The following CRKL variants were observed in gnomAD, a reference collection of about 807,000 sequenced individuals.
CRKL encodes the protein crk-like protein.
Under a neutral mutation model 23.0 loss-of-function variants are expected in CRKL, and 3 were observed. The observed-to-expected ratio is 0.13, with a 90% confidence interval of 0.06 to 0.34. CRKL has a LOEUF of 0.34. CRKL is among the 10% of genes least tolerant of loss of function. The pLI, the probability that CRKL is intolerant of heterozygous loss-of-function variation, is 1.00. For synonymous variants in CRKL, 188 were observed against 160.7 expected, an observed-to-expected ratio of 1.17 and a Z score of -1.28; for missense variants, 256 against 394.5, an observed-to-expected ratio of 0.65 and a Z score of 2.97.
intron 1 of CRKL, among the ~76,000 whole-genome samples, chr22:20,933,443 G>C (rs1302660022): frequency 6.6e-6 from 1 of 151,704 alleles, no homozygotes; most frequent in African/African-American, 2.4e-5. Flanking sequence ...GAGGTGCGTG[G>C]ATCGCCCGAG....
At chr22:20,925,186 C>CAAAAAA (rs11451684) in intron 1 of CRKL, among the ~76,000 whole-genome samples, 1 of 100,954 alleles carries the variant, frequency 9.9e-6, no homozygotes, top group Admixed American at 1.2e-4. Flanking sequence ...GACTCCGTCT[C>CAAAAAA]AAAAAAAAAA....
rs1470526137 is a variant in CRKL at position 20,953,204 on chromosome 22, A to G, written c.*3359A>G. On this transcript the variant is annotated 3_prime_UTR_variant, in exon 3 of 3. Transcript: ENST00000354336. Reference sequence around the variant, plus strand: ...AATGAATTCTTGATTGTTTTAACACAGTACCTAAGACTAATGCTTTCTGTG... The same window carrying G: ...AATGAATTCTTGATTGTTTTAACACGGTACCTAAGACTAATGCTTTCTGTG... 4.3e-6 allele frequency: 1 copy of G among 231,890 alleles called. No homozygotes were observed. Among genetic ancestry groups the G allele is most frequent in the Non-Finnish European group, 8.5e-6 (1 of 117,066 alleles). 14.4% of individuals were successfully genotyped at this position (231,890 alleles called of 1,614,324 possible).
In CRKL at chr22:20,917,845, C is replaced by T; in HGVS notation, c.-90C>T. 5 of 1,315,246 alleles carry T rather than the reference C, an allele frequency of 3.8e-6. No individual in the cohort carries two copies. Among genetic ancestry groups the T allele is most frequent in the African/African-American group, 1.5e-5 (1 of 67,628 alleles). 81.5% of individuals were successfully genotyped at this position (1,315,246 alleles called of 1,614,324 possible). ...TCGAGGTGTGCGAGAGGCCCTTCCTCGGCCCCAAAGCCGTCTGCCGGGCTA... is the reference window on the plus strand; with the variant it reads ...TCGAGGTGTGCGAGAGGCCCTTCCTTGGCCCCAAAGCCGTCTGCCGGGCTA... On this transcript the variant is annotated 5_prime_UTR_variant, in exon 1 of 3. Coordinates refer to ENST00000354336, the MANE Select transcript of CRKL (RefSeq NM_005207.4).
intron 1 of CRKL, among the ~76,000 whole-genome samples, chr22:20,924,100 A>G (rs998346880): frequency 2.0e-5 from 3 of 152,158 alleles, no homozygotes; most frequent in Non-Finnish European, 4.4e-5. Flanking sequence ...AAGTGGAAAG[A>G]TTGCTTGAGC....
At chr22:20,944,139 CTT>C (rs57177824) in intron 2 of CRKL, among the ~76,000 whole-genome samples, 8 of 105,836 alleles carry the variant, frequency 7.6e-5, no homozygotes, top group Non-Finnish European at 1.1e-4. Context: ...GTAGTATTAG[CTT>C]TTTTTTTTTT....
intron 2 of CRKL, among the ~76,000 whole-genome samples, chr22:20,935,658 C>T (rs977056659): frequency 6.6e-6 from 1 of 151,140 alleles, no homozygotes; most frequent in Non-Finnish European, 1.5e-5. Flanking sequence ...TCCCGAGTAG[C>T]GGGGCTACAG....
Position 20,952,169 on chromosome 22 carries a change from A to G in CRKL, c.*2324A>G, listed in dbSNP as rs181747193. ...GGGCACGACCCTTAGGCCTTTTTCA[A>G]CCAGATTTAGCTGAAGGGCTTGACA... On this transcript the variant is annotated 3_prime_UTR_variant, in exon 3 of 3. Coordinates refer to ENST00000354336, the MANE Select transcript of CRKL (RefSeq NM_005207.4). The G allele has an allele frequency of 1.3e-5, 3 of 227,906 alleles. No individual in the cohort carries two copies. Among genetic ancestry groups the G allele is most frequent in the African/African-American group, 6.8e-5 (3 of 43,934 alleles). 14.1% of individuals were successfully genotyped at this position (227,906 alleles called of 1,614,324 possible). A position where few individuals can be genotyped will look rare whatever the true frequency, so the allele number is the denominator to read the frequency against.
chr22:20,949,327 A>G (rs919585081), intron 2 of CRKL, among the ~76,000 whole-genome samples: 2 of 152,136 alleles, frequency 1.3e-5, no homozygotes, highest in African/African-American at 2.4e-5. Context: ...AGGTTTCACC[A>G]TGTTGCCCAG....
chr22:20,947,498 C>G (rs1029762713), intron 2 of CRKL, among the ~76,000 whole-genome samples: 3 of 151,900 alleles, frequency 2.0e-5, no homozygotes, highest in Non-Finnish European at 2.9e-5. Flanking sequence ...TGCCACCACG[C>G]CTGGTGATTT....
At chr22:20,918,894 AC>A (rs1464470236) in intron 1 of CRKL, among the ~76,000 whole-genome samples, 1 of 151,432 alleles carries the variant, frequency 6.6e-6, no homozygotes, top group Admixed American at 6.6e-5. Context: ...CCGGCCAAAA[AC>A]CGTTTTTAAG....
chr22:20,923,633 G>A (rs1401825532), intron 1 of CRKL, among the ~76,000 whole-genome samples: 1 of 146,884 alleles, frequency 6.8e-6, no homozygotes, highest in Non-Finnish European at 1.5e-5. Flanking sequence ...GGAGTGTGGT[G>A]GTGCAATCTT....
Position 20,933,810 on chromosome 22 carries a change from G to T in CRKL, c.343G>T (p.Ala115Ser), listed in dbSNP as rs1378195752. ...YPSPPMGSVS[A>S]PNLPTAEDNL... ...AAGCCCACCAATGGGATCTGTCTCA[G>T]CACCCAACCTGCCTACAGCAGAAGA... The change falls in exon 2 of 3, where the codon GCA becomes TCA. Residue 115 changes from alanine (A) to serine (S), a missense_variant. Transcript: ENST00000354336. The T allele has an allele frequency of 1.9e-6, 3 of 1,613,820 alleles. No individual in the cohort carries two copies. The highest frequency in any genetic ancestry group is 1.3e-5 in the African/African-American group (1 of 74,902).
At chr22:20,920,733 TACCTTTGC>T (rs376303624) in intron 1 of CRKL, among the ~76,000 whole-genome samples, 2,514 of 152,270 alleles carry the variant, frequency 0.017, 29 homozygotes, top group Non-Finnish European at 0.028. Flanking sequence ...CATACCTTTG[TACCTTTGC>T]ACCTTTGCTC....
intron 1 of CRKL, among the ~76,000 whole-genome samples, chr22:20,919,299 A>G (rs1363720037): frequency 1.3e-5 from 2 of 152,122 alleles, no homozygotes; most frequent in East Asian, 1.9e-4. Flanking sequence ...CCCGAGGACC[A>G]TTAGTAGGCC....
At chr22:20,949,684 C>T in intron 2 of CRKL, 27 bp from the exon 3 acceptor site, 1 of 1,607,112 alleles carries the variant, frequency 6.2e-7, no homozygotes, top group South Asian at 1.1e-5. Flanking sequence ...CAGAGAAATG[C>T]TAACTTTGTC....
chr22:20,939,849 C>G (rs548411108), intron 2 of CRKL, among the ~76,000 whole-genome samples: 2 of 148,140 alleles, frequency 1.4e-5, no homozygotes, highest in Non-Finnish European at 3.0e-5. Flanking sequence ...AGTGCAATGG[C>G]GTGATCTCGG....
chr22:20,927,945 T>G (rs1921291955), intron 1 of CRKL, among the ~76,000 whole-genome samples: 1 of 151,294 alleles, frequency 6.6e-6, no homozygotes, highest in African/African-American at 2.4e-5. Flanking sequence ...GCAGATCACT[T>G]GAGGTCAGGA....
chr22:20,952,924 T>G lies in CRKL; in HGVS notation c.*3079T>G, dbSNP rs570423757. The G allele has an allele frequency of 7.0e-4, 162 of 231,090 alleles. No individual in the cohort carries two copies. The highest frequency in any genetic ancestry group is 1.8e-3 in the South Asian group (10 of 5,510). The allele number at this position is 231,090 out of a possible 1,614,324, so 14.3% of individuals were successfully genotyped here. A position where few individuals can be genotyped will look rare whatever the true frequency, so the allele number is the denominator to read the frequency against. On this transcript the variant is annotated 3_prime_UTR_variant, in exon 3 of 3. Transcript: ENST00000354336. ...CTTTGGTCACCCAGACTAGACACCT[T>G]CTGTGCTCATGTTTGGAAAGCTGAA... is the stretch of plus-strand genomic sequence containing the variant.
chr22:20,934,847 T>C (rs1379500551), intron 2 of CRKL, among the ~76,000 whole-genome samples: 1 of 128,844 alleles, frequency 7.8e-6, no homozygotes, highest in African/African-American at 3.0e-5. Context: ...GGAGTCTCAC[T>C]CTGTCGCCCA....
Sources: allele counts gnomAD v4.1 joint callset (sites outside exome capture counted in the v4.1 genomes callset), GRCh38; gene constraint gnomAD v4.1.1; transcripts MANE v1.5; gene names NCBI Gene and HGNC (gene_info 2026-07-23, HGNC 2026-07-21).